Variants in ITGA1 observed in about 807,000 individuals in gnomAD.
ITGA1 encodes integrin alpha-1.
In ITGA1, 85 loss-of-function variants were observed where a neutral mutation model predicts 145.9. That is an observed-to-expected ratio of 0.58 (90% CI 0.49 to 0.70). The LOEUF (loss-of-function observed/expected upper bound fraction) is 0.70. Ranked by LOEUF, ITGA1 falls within the 30% of genes least tolerant of loss-of-function variation. The pLI is 0.00. For synonymous variants in ITGA1, 520 were observed against 495.3 expected (o/e 1.05, Z -0.66); for missense variants, 1,351 against 1,418.7 (o/e 0.95, Z 0.77).
At chr5:52,801,229 C>T (rs1748474345) in intron 1 of ITGA1, 1 of 1,248,826 alleles carries the variant, frequency 8.0e-7, no homozygotes, top group Non-Finnish European at 1.1e-6. Context: ...CTTTACTTAG[C>T]TGGGATTTTC....
chr5:52,911,699 GTGTAT>G (rs1750543869), intron 14 of ITGA1, among the ~76,000 whole-genome samples: 6 of 133,176 alleles, frequency 4.5e-5, no homozygotes, highest in Admixed American at 8.1e-5. Flanking sequence ...TATACATATA[GTGTAT>G]CTACTATATA....
intron 6 of ITGA1, among the ~76,000 whole-genome samples, chr5:52,872,575 A>ATTTTTTTTTTTT (rs58664401): frequency 0.016 from 1,545 of 98,050 alleles, 153 homozygotes; most frequent in East Asian, 0.037. Context: ...GCCTCAGTCA[A>ATTTTTTTTTTTT]TTTTTTTTTT....
At chr5:52,948,050 T>C (rs887243266) in intron 28 of ITGA1, among the ~76,000 whole-genome samples, 2 of 152,272 alleles carry the variant, frequency 1.3e-5, no homozygotes, top group African/African-American at 4.8e-5. Context: ...CTATTTCAAA[T>C]TCTGTGGTAA....
At chr5:52,928,548 C>G (rs941953411) in intron 20 of ITGA1, among the ~76,000 whole-genome samples, 1 of 152,226 alleles carries the variant, frequency 6.6e-6, no homozygotes, top group African/African-American at 2.4e-5. Flanking sequence ...CATTTTCACA[C>G]ACCACAAAGA....
intron 25 of ITGA1, 34 bp from the exon 26 acceptor site, chr5:52,939,806 G>A (rs1479137893): frequency 6.8e-7 from 1 of 1,470,722 alleles, no homozygotes; most frequent in African/African-American, 1.4e-5. Flanking sequence ...AAAACGGCAA[G>A]AATACTGATA....
chr5:52,854,610 T>C (rs1210019733), intron 2 of ITGA1, among the ~76,000 whole-genome samples: 2 of 152,168 alleles, frequency 1.3e-5, no homozygotes, highest in African/African-American at 4.8e-5. Flanking sequence ...GTATTAGACA[T>C]CAAGGCAGAG....
intron 1 of ITGA1, chr5:52,801,646 G>A (rs1041914248): frequency 1.9e-6 from 3 of 1,614,028 alleles, no homozygotes; most frequent in Non-Finnish European, 2.5e-6. Context: ...CAGGCATCAG[G>A]ATGTAGCCAC....
At chr5:52,870,023 C>A (rs1203485694) in intron 6 of ITGA1, among the ~76,000 whole-genome samples, 2 of 152,152 alleles carry the variant, frequency 1.3e-5, no homozygotes, top group African/African-American at 2.4e-5. Context: ...AAAAGAAATC[C>A]TGTCATAGAA....
intron 17 of ITGA1, among the ~76,000 whole-genome samples, chr5:52,921,148 C>T (rs1417135892): frequency 6.6e-6 from 1 of 152,006 alleles, no homozygotes; most frequent in African/African-American, 2.4e-5. Context: ...GTTTCCTAAA[C>T]ATTTTCTTAA....
chr5:52,948,870 A>T (rs1226660735), intron 28 of ITGA1: 2 of 152,182 alleles, frequency 1.3e-5, no homozygotes, highest in African/African-American at 4.8e-5. Context: ...GGAAAACCAG[A>T]GCTGATATTT....
At chr5:52,919,037 C>T (rs1723971629) in intron 16 of ITGA1, 139 bp downstream of exon 16, 2 of 694,616 alleles carry the variant, frequency 2.9e-6, no homozygotes. Context: ...GATGCAGAAC[C>T]TTGAAAAAAA....
intron 26 of ITGA1, among the ~76,000 whole-genome samples, chr5:52,941,987 T>A (rs1751060549): frequency 6.6e-6 from 1 of 152,224 alleles, no homozygotes; most frequent in Non-Finnish European, 1.5e-5. Context: ...TTCATTCTTC[T>A]GCATATGGCT....
intron 11 of ITGA1, 135 bp downstream of exon 11, chr5:52,898,518 C>G (rs1750266813): frequency 2.5e-6 from 2 of 808,606 alleles, no homozygotes; most frequent in Non-Finnish European, 1.8e-6. Flanking sequence ...TTTCCAGAAC[C>G]CATGCAAAGT....
At chr5:52,825,809 T>A (rs111501717) in intron 1 of ITGA1, among the ~76,000 whole-genome samples, 9,268 of 151,856 alleles carry the variant, frequency 0.061, 951 homozygotes, top group African/African-American at 0.21. Context: ...TCCCAGCTAC[T>A]TGGGAGGCTG....
At chr5:52,816,206 A>G (rs1748764872) in intron 1 of ITGA1, among the ~76,000 whole-genome samples, 1 of 152,190 alleles carries the variant, frequency 6.6e-6, no homozygotes, top group Non-Finnish European at 1.5e-5. Context: ...CTAAATTTAA[A>G]CTTAATCTTT....
intron 7 of ITGA1, among the ~76,000 whole-genome samples, chr5:52,882,399 A>G (rs1466105226): frequency 6.6e-6 from 1 of 152,018 alleles, no homozygotes; most frequent in African/African-American, 2.4e-5. Flanking sequence ...CCTCTACTCA[A>G]TATATATTTA....
At chr5:52,932,291 G>A in intron 22 of ITGA1, 155 bp downstream of exon 22, 2 of 579,720 alleles carry the variant, frequency 3.4e-6, no homozygotes, top group Non-Finnish European at 6.1e-6. Flanking sequence ...CAGAAACTCG[G>A]AGGATGGGGT....
intron 11 of ITGA1, among the ~76,000 whole-genome samples, chr5:52,901,618 T>C (rs1750314887): frequency 6.6e-6 from 1 of 152,200 alleles, no homozygotes. Flanking sequence ...TATTCTTAAT[T>C]ATATGTGATT....
intron 1 of ITGA1, among the ~76,000 whole-genome samples, chr5:52,820,906 C>T (rs1220670452): frequency 6.6e-6 from 1 of 151,974 alleles, no homozygotes; most frequent in Non-Finnish European, 1.5e-5. Context: ...GATTAAAACC[C>T]CTTAGCCCAG....
Sources: allele counts gnomAD v4.1 joint callset (sites outside exome capture counted in the v4.1 genomes callset), GRCh38; gene constraint gnomAD v4.1.1; transcripts MANE v1.5; gene names NCBI Gene and HGNC (gene_info 2026-07-23, HGNC 2026-07-21).